The following LRP1B variants were observed in gnomAD, a reference collection of about 807,000 sequenced individuals.
The protein encoded by LRP1B is LDL receptor related protein 1B, also known as low-density lipoprotein receptor-related protein 1B.
Under a neutral mutation model 556.6 loss-of-function variants are expected in LRP1B, and 217 were observed. That is an observed-to-expected ratio of 0.39 (90% CI 0.35 to 0.44). The LOEUF is 0.44. Among genes scored for constraint, LRP1B ranks in the 20% least tolerant of loss-of-function variants. The pLI is 1.00. For synonymous variants in LRP1B, 2,047 were observed against 1,865.8 expected, an observed-to-expected ratio of 1.10 and a Z score of -2.50; for missense variants, 5,053 against 5,620.8, an observed-to-expected ratio of 0.90 and a Z score of 3.23.
chr2:140,319,423 G>T (rs1448918171), intron 82 of LRP1B, among the ~76,000 whole-genome samples: 2 of 152,044 alleles, frequency 1.3e-5, no homozygotes, highest in African/African-American at 2.4e-5. Flanking sequence ...AATGGGTGAG[G>T]GATTATGTGG....
intron 2 of LRP1B, among the ~76,000 whole-genome samples, chr2:141,697,290 C>G (rs1232419199): frequency 6.6e-6 from 1 of 151,862 alleles, no homozygotes; most frequent in African/African-American, 2.4e-5. Flanking sequence ...ACTAGCTGGA[C>G]TATTAGCTAA....
At chr2:141,500,062 T>G (rs752333038) in intron 2 of LRP1B, among the ~76,000 whole-genome samples, 1 of 152,120 alleles carries the variant, frequency 6.6e-6, no homozygotes, top group Non-Finnish European at 1.5e-5. Context: ...ACATTTTTCT[T>G]TGTGAAGGTG....
intron 82 of LRP1B, 149 bp from the exon 83 acceptor site, chr2:140,315,248 T>C (rs1334431654): frequency 2.3e-5 from 12 of 532,540 alleles, no homozygotes; most frequent in Non-Finnish European, 3.5e-5. Context: ...AATTAAATAC[T>C]ATCTGAAAAC....
At chr2:141,969,556 A>G (rs2105072014) in intron 1 of LRP1B, among the ~76,000 whole-genome samples, 1 of 151,724 alleles carries the variant, frequency 6.6e-6, no homozygotes, top group South Asian at 2.1e-4. Flanking sequence ...ATGTTCACCA[A>G]TTCCATCCAT....
At chr2:141,015,011 T>C (rs1697861791) in intron 13 of LRP1B, among the ~76,000 whole-genome samples, 1 of 152,102 alleles carries the variant, frequency 6.6e-6, no homozygotes, top group South Asian at 2.1e-4. Flanking sequence ...ATTTTGGTCA[T>C]TTCTAACATC....
chr2:140,982,621 A>G (rs1374347019), intron 17 of LRP1B, among the ~76,000 whole-genome samples: 1 of 150,278 alleles, frequency 6.7e-6, no homozygotes, highest in Non-Finnish European at 1.5e-5. Context: ...CCAACTCTTA[A>G]TTAACAAAAA....
At chr2:140,865,590 G>C (rs772647166) in intron 27 of LRP1B, among the ~76,000 whole-genome samples, 3 of 151,936 alleles carry the variant, frequency 2.0e-5, no homozygotes, top group Non-Finnish European at 4.4e-5. Context: ...TATATGCTCA[G>C]TGATCCTTAT....
chr2:141,980,860 C>T (rs548892945), intron 1 of LRP1B, among the ~76,000 whole-genome samples: 156 of 152,142 alleles, frequency 1.0e-3, no homozygotes, highest in Non-Finnish European at 1.9e-3. Flanking sequence ...ACTATGTTCA[C>T]TTTGACATTT....
intron 3 of LRP1B, among the ~76,000 whole-genome samples, chr2:141,341,762 T>C (rs1344012638): frequency 6.6e-6 from 1 of 152,164 alleles, no homozygotes; most frequent in Non-Finnish European, 1.5e-5. Flanking sequence ...CCTCTTCTAC[T>C]GCCATTTTTA....
chr2:141,761,285 C>T (rs1402755650), intron 2 of LRP1B, among the ~76,000 whole-genome samples: 1 of 151,608 alleles, frequency 6.6e-6, no homozygotes, highest in Admixed American at 6.6e-5. Context: ...GTACATTGCC[C>T]AGAGGTTCCA....
intron 3 of LRP1B, among the ~76,000 whole-genome samples, chr2:141,451,424 T>A (rs1681417340): frequency 6.6e-6 from 1 of 152,244 alleles, no homozygotes; most frequent in Admixed American, 6.5e-5. Flanking sequence ...TAATTGTAAA[T>A]GTAAAGCAAC....
At chr2:140,709,420 G>A (rs978033549) in intron 37 of LRP1B, among the ~76,000 whole-genome samples, 10 of 151,306 alleles carry the variant, frequency 6.6e-5, no homozygotes, top group African/African-American at 1.7e-4. Flanking sequence ...AGGAGGAGGC[G>A]GAAGAGGAGG....
intron 2 of LRP1B, among the ~76,000 whole-genome samples, chr2:141,489,481 C>A (rs2105108991): frequency 6.6e-6 from 1 of 151,920 alleles, no homozygotes; most frequent in African/African-American, 2.4e-5. Context: ...GCAATCTAGA[C>A]CACTTACAAG....
intron 20 of LRP1B, among the ~76,000 whole-genome samples, chr2:140,946,271 G>A (rs904992202): frequency 6.6e-6 from 1 of 152,038 alleles, no homozygotes; most frequent in African/African-American, 2.4e-5. Context: ...AATTAGTTCA[G>A]CCCCTGTGGA....
At chr2:140,635,094 T>C (rs1414042520) in intron 41 of LRP1B, among the ~76,000 whole-genome samples, 1 of 152,062 alleles carries the variant, frequency 6.6e-6, no homozygotes, top group Non-Finnish European at 1.5e-5. Context: ...AAATCTCAAA[T>C]TAATTCTATT....
At chr2:141,226,409 T>A (rs909480656) in intron 6 of LRP1B, among the ~76,000 whole-genome samples, 25 of 152,298 alleles carry the variant, frequency 1.6e-4, no homozygotes, top group African/African-American at 2.2e-4. Flanking sequence ...GCAATTTTTT[T>A]AAAATATTGC....
intron 62 of LRP1B, among the ~76,000 whole-genome samples, chr2:140,453,510 C>G (rs1383042575): frequency 6.6e-6 from 1 of 151,946 alleles, no homozygotes; most frequent in Non-Finnish European, 1.5e-5. Flanking sequence ...CTGTAATTAT[C>G]ACCCACAAGT....
intron 41 of LRP1B, among the ~76,000 whole-genome samples, chr2:140,602,245 C>T (rs1682703180): frequency 6.6e-6 from 1 of 151,776 alleles, no homozygotes; most frequent in Admixed American, 6.6e-5. Flanking sequence ...TAATTGCCAG[C>T]TAAAGCATGC....
chr2:141,243,479 C>T (rs1392500530), intron 5 of LRP1B, among the ~76,000 whole-genome samples: 2 of 152,090 alleles, frequency 1.3e-5, no homozygotes, highest in African/African-American at 4.8e-5. Context: ...GAGACTACAT[C>T]TCTTAAAGAA....
Sources: allele counts gnomAD v4.1 joint callset (sites outside exome capture counted in the v4.1 genomes callset), GRCh38; gene constraint gnomAD v4.1.1; transcripts MANE v1.5; gene names NCBI Gene and HGNC (gene_info 2026-07-23, HGNC 2026-07-21).